PTPRT: variants seen among roughly 807,000 people sequenced by gnomAD.
PTPRT encodes the protein receptor-type tyrosine-protein phosphatase T.
In PTPRT, 56 loss-of-function variants were observed where a neutral mutation model predicts 176.8. The ratio of observed to expected loss-of-function variants is 0.32; its 90% CI spans 0.26 to 0.40. The LOEUF (loss-of-function observed/expected upper bound fraction) is 0.40. Among genes scored for constraint, PTPRT ranks in the 10% least tolerant of loss-of-function variants. The pLI is 1.00. For synonymous variants in PTPRT, 783 were observed against 739.0 expected (o/e 1.06, Z -0.96); for missense variants, 1,540 against 1,908.2 (o/e 0.81, Z 3.60).
At chr20:43,049,081 C>T (rs1163349131) in intron 1 of PTPRT, among the ~76,000 whole-genome samples, 1 of 152,122 alleles carries the variant, frequency 6.6e-6, no homozygotes, top group Admixed American at 6.5e-5. Flanking sequence ...AGGCTGTTAC[C>T]CTGTTCTCCA....
chr20:42,846,123 T>C (rs2078366654), intron 2 of PTPRT, among the ~76,000 whole-genome samples: 1 of 152,164 alleles, frequency 6.6e-6, no homozygotes, highest in South Asian at 2.1e-4. Flanking sequence ...TGCCCTCACT[T>C]GCTGCCTGCT....
intron 7 of PTPRT, among the ~76,000 whole-genome samples, chr20:42,675,498 C>T (rs772421181): frequency 6.6e-6 from 1 of 152,220 alleles, no homozygotes; most frequent in Admixed American, 6.5e-5. Context: ...ATCTTAGCCA[C>T]TTACGTGGAC....
intron 7 of PTPRT, among the ~76,000 whole-genome samples, chr20:42,571,637 G>A (rs1011578660): frequency 6.6e-6 from 1 of 152,188 alleles, no homozygotes. Context: ...TCTAGAAGTG[G>A]AATTACTGGA....
At chr20:43,158,443 G>T (rs756044683) in intron 1 of PTPRT, among the ~76,000 whole-genome samples, 1 of 152,178 alleles carries the variant, frequency 6.6e-6, no homozygotes, top group African/African-American at 2.4e-5. Context: ...ATACAAATTC[G>T]GGAGTCATTA....
chr20:42,735,511 TA>T (rs879467490), intron 6 of PTPRT, among the ~76,000 whole-genome samples: 22 of 147,676 alleles, frequency 1.5e-4, no homozygotes, highest in East Asian at 3.9e-4. Context: ...TATTTTTCTT[TA>T]AAAAAAAAAA....
chr20:43,035,611 C>A (rs1300542140), intron 1 of PTPRT, among the ~76,000 whole-genome samples: 1 of 151,988 alleles, frequency 6.6e-6, no homozygotes, highest in Non-Finnish European at 1.5e-5. Context: ...TAATCCTTTG[C>A]GGAAGGAAGA....
At chr20:42,767,566 T>C (rs1424238024) in intron 5 of PTPRT, among the ~76,000 whole-genome samples, 3 of 151,500 alleles carry the variant, frequency 2.0e-5, no homozygotes, top group Non-Finnish European at 4.4e-5. Flanking sequence ...ATATTATATA[T>C]GGAAGGAAAA....
intron 1 of PTPRT, among the ~76,000 whole-genome samples, chr20:42,988,988 T>A (rs1956879490): frequency 6.6e-6 from 1 of 152,258 alleles, no homozygotes; most frequent in South Asian, 2.1e-4. Context: ...CCCATGTTTA[T>A]CCTTTATCAT....
intron 1 of PTPRT, among the ~76,000 whole-genome samples, chr20:43,053,569 C>A (rs115008952): frequency 0.024 from 3,687 of 152,250 alleles, 164 homozygotes; most frequent in African/African-American, 0.084. Flanking sequence ...TTCCCTGGAT[C>A]CTGCACTCTT....
At chr20:42,920,768 A>G (rs549983449) in intron 1 of PTPRT, among the ~76,000 whole-genome samples, 1 of 152,320 alleles carries the variant, frequency 6.6e-6, no homozygotes, top group African/African-American at 2.4e-5. Flanking sequence ...TGCAGCATAC[A>G]TTTGAATTTT....
intron 1 of PTPRT, among the ~76,000 whole-genome samples, chr20:42,930,905 T>C (rs1246710178): frequency 7.0e-6 from 1 of 143,876 alleles, no homozygotes; most frequent in East Asian, 1.9e-4. Flanking sequence ...GAGCTTATGA[T>C]AATAGTTGTA....
chr20:43,116,721 T>C (rs1027682443), intron 1 of PTPRT, among the ~76,000 whole-genome samples: 2 of 152,204 alleles, frequency 1.3e-5, no homozygotes, highest in Non-Finnish European at 2.9e-5. Flanking sequence ...TTTTTCTTTT[T>C]CCACCACAAA....
intron 16 of PTPRT, among the ~76,000 whole-genome samples, chr20:42,198,425 G>A (rs1991318578): frequency 6.6e-6 from 1 of 152,138 alleles, no homozygotes; most frequent in South Asian, 2.1e-4. Context: ...ATGGTATGTG[G>A]AGGACATCTG....
intron 6 of PTPRT, among the ~76,000 whole-genome samples, chr20:42,732,616 C>T (rs2076478381): frequency 1.3e-5 from 2 of 152,146 alleles, no homozygotes; most frequent in Admixed American, 1.3e-4. Flanking sequence ...GAGGTAAAAG[C>T]ATCAAATGAT....
intron 7 of PTPRT, among the ~76,000 whole-genome samples, chr20:42,577,837 C>CTGTGTGTGTGTGTGTGTGTGTGTGTG (rs11468271): frequency 1.0e-3 from 139 of 139,426 alleles, no homozygotes; most frequent in African/African-American, 3.7e-3. Context: ...CTGAGCAAGG[C>CTGTGTGTGTGTGTGTGTGTGTGTGTG]TGTGTGTGTG....
intron 6 of PTPRT, among the ~76,000 whole-genome samples, chr20:42,750,847 T>C (rs1388137372): frequency 6.6e-6 from 1 of 152,160 alleles, no homozygotes; most frequent in Non-Finnish European, 1.5e-5. Context: ...TGAATAAGCA[T>C]TTGCTGAGCA....
At chr20:42,408,615 T>TTG (rs72244725) in intron 9 of PTPRT, among the ~76,000 whole-genome samples, 25 of 152,058 alleles carry the variant, frequency 1.6e-4, no homozygotes, top group South Asian at 4.2e-4. Context: ...GTTTTTTTTT[T>TTG]TCCTATTAGG....
intron 15 of PTPRT, among the ~76,000 whole-genome samples, chr20:42,232,837 G>GGTGAAAGGT: frequency 7.1e-6 from 1 of 140,846 alleles, no homozygotes; most frequent in East Asian, 2.1e-4. Context: ...AAAAAAAAAA[G>GGTGAAAGGT]GTGAAAGGTG....
At chr20:42,463,703 A>G (rs547208893) in intron 8 of PTPRT, among the ~76,000 whole-genome samples, 63 of 152,268 alleles carry the variant, frequency 4.1e-4, no homozygotes, top group African/African-American at 1.4e-3. Flanking sequence ...CCAAGGTAGT[A>G]TATATAAAAG....
Sources: allele counts gnomAD v4.1 joint callset (sites outside exome capture counted in the v4.1 genomes callset), GRCh38; gene constraint gnomAD v4.1.1; transcripts MANE v1.5; gene names NCBI Gene and HGNC (gene_info 2026-07-23, HGNC 2026-07-21).